Variants in TRAPPC9 observed in about 807,000 individuals in gnomAD.
TRAPPC9 encodes the protein trafficking protein particle complex subunit 9.
In TRAPPC9, 83 loss-of-function variants were observed where a neutral mutation model predicts 124.0. The ratio of observed to expected loss-of-function variants is 0.67; its 90% confidence interval spans 0.56 to 0.80. The LOEUF (loss-of-function observed/expected upper bound fraction) is 0.80. Ranked by LOEUF, TRAPPC9 falls within the 30% of genes least tolerant of loss-of-function variation. The pLI is 0.00. For synonymous variants in TRAPPC9, 638 were observed against 617.5 expected (o/e 1.03, Z -0.49); for missense variants, 1,302 against 1,508.3 (o/e 0.86, Z 2.27).
intron 10 of TRAPPC9, among the ~76,000 whole-genome samples, chr8:140,305,954 G>A (rs945660597): frequency 6.6e-6 from 1 of 152,234 alleles, no homozygotes; most frequent in Non-Finnish European, 1.5e-5. Flanking sequence ...ACAAAAGCCA[G>A]TGGCTTTTCC....
intron 10 of TRAPPC9, among the ~76,000 whole-genome samples, chr8:140,310,442 G>C (rs998777768): frequency 4.6e-5 from 7 of 152,098 alleles, no homozygotes; most frequent in Admixed American, 2.0e-4. Context: ...GTTTCTTTCC[G>C]GTCTTCAAAC....
At chr8:140,184,866 C>T (rs1442989529) in intron 17 of TRAPPC9, among the ~76,000 whole-genome samples, 1 of 152,214 alleles carries the variant, frequency 6.6e-6, no homozygotes, top group African/African-American at 2.4e-5. Flanking sequence ...CTGCGCCCAC[C>T]ACCCTCTCCT....
rs1405922108 is a variant in TRAPPC9, at chr8:140,090,545, C to T, written c.2557-66466G>A. ...AGAACCAGGTGACTCATTTCCAGGT[C>T]ACCCGGGAGACCAGGGGGTTGGAGC... On this transcript the variant is annotated intron_variant, in intron 17 of 22. Coordinates refer to ENST00000438773, the MANE Select transcript of TRAPPC9 (RefSeq NM_001160372.4). Among the ~76,000 whole-genome samples, 3 of 152,258 alleles carry T rather than the reference C, an allele frequency of 2.0e-5. No individual in the cohort carries two copies. In the South Asian group the frequency reaches 6.2e-4, roughly 31 times the overall value.
At chr8:140,458,336 G>C (rs571091006), upstream of TRAPPC9, 11 of 1,582,642 alleles carry the variant, frequency 7.0e-6, no homozygotes, top group Non-Finnish European at 8.6e-6. Context: ...CTCAGGGGTG[G>C]AGGCCCCGCG....
chr8:140,178,526 T>C (rs1253337333), intron 17 of TRAPPC9, among the ~76,000 whole-genome samples: 1 of 152,092 alleles, frequency 6.6e-6, no homozygotes, highest in African/African-American at 2.4e-5. Flanking sequence ...TATCATTGGA[T>C]TCCATTTGCT....
chr8:139,984,580 C>G lies in TRAPPC9; in HGVS notation c.2810+4146G>C, dbSNP rs1837122972. Among the ~76,000 whole-genome samples, 1 of 152,122 alleles carries G rather than the reference C, an allele frequency of 6.6e-6. No individual in the cohort carries two copies. Among genetic ancestry groups the G allele is most frequent in the Middle Eastern group, 3.2e-3 (1 of 316 alleles). ...ACACAAAGCCTGGAAGGACAGGGAC[C>G]AGGTCTGAGGTCTGTAAGGTGCTGT... is the stretch of plus-strand genomic sequence containing the variant. On this transcript the variant is annotated intron_variant, in intron 19 of 22. Transcript: ENST00000438773. This position sits in a 1 kb window ranked among gnomAD's most constrained non-coding sequence, Gnocchi z 4.3.
rs150624129 is a variant in TRAPPC9 at position 140,076,172 on chromosome 8, G to A, written c.2557-52093C>T. Among the ~76,000 whole-genome samples, 64 of 152,304 alleles carry A rather than the reference G, an allele frequency of 4.2e-4. No homozygotes were observed. The East Asian group carries it at 0.011, about 26-fold the overall frequency. On this transcript the variant is annotated intron_variant, in intron 17 of 22. Coordinates refer to ENST00000438773, the MANE Select transcript of TRAPPC9 (RefSeq NM_001160372.4). ...TATATATACATAGCAGCACTGTGACGAGTCTACATAAGGAAGAGAGTTTCT... is the reference window on the plus strand; with the variant it reads ...TATATATACATAGCAGCACTGTGACAAGTCTACATAAGGAAGAGAGTTTCT...
intron 9 of TRAPPC9, among the ~76,000 whole-genome samples, chr8:140,357,720 C>T (rs2067794789): frequency 6.6e-6 from 1 of 152,156 alleles, no homozygotes; most frequent in Admixed American, 6.5e-5. Flanking sequence ...ACGGGTGGCT[C>T]TGGGAGCTCT....
At chr8:139,909,809 C>G (rs1189986859) in intron 20 of TRAPPC9, among the ~76,000 whole-genome samples, 1 of 152,224 alleles carries the variant, frequency 6.6e-6, no homozygotes, top group African/African-American at 2.4e-5. Context: ...AGCTGTCAGT[C>G]TGTGAACCCC....
chr8:139,892,391 G>A (rs1336673250), intron 20 of TRAPPC9, among the ~76,000 whole-genome samples: 3 of 152,206 alleles, frequency 2.0e-5, no homozygotes, highest in Admixed American at 6.5e-5. Flanking sequence ...ACCTCCTGCA[G>A]ATGAACTGAT....
chr8:139,988,172 G>A (rs1045981618), intron 19 of TRAPPC9, among the ~76,000 whole-genome samples: 6 of 145,092 alleles, frequency 4.1e-5, no homozygotes, highest in African/African-American at 1.5e-4. Flanking sequence ...ACGGTGGTAC[G>A]ATCGATCTCG....
At chr8:139,917,135 A>G (rs2131314870) in intron 19 of TRAPPC9, among the ~76,000 whole-genome samples, 1 of 151,234 alleles carries the variant, frequency 6.6e-6, no homozygotes, top group Non-Finnish European at 1.5e-5. Flanking sequence ...CAATTATGGT[A>G]AAAAAGAGAA....
chr8:140,004,525 GA>G (rs1838623226), intron 18 of TRAPPC9, among the ~76,000 whole-genome samples: 2 of 152,098 alleles, frequency 1.3e-5, no homozygotes, highest in South Asian at 4.1e-4. Flanking sequence ...CTCCAATGGG[GA>G]TAACAACGCC....
chr8:139,821,067 G>C (rs1450043194), intron 21 of TRAPPC9, among the ~76,000 whole-genome samples: 4 of 152,176 alleles, frequency 2.6e-5, no homozygotes, highest in Non-Finnish European at 5.9e-5. Context: ...GCAGCACCAG[G>C]AAATGTATCT....
chr8:140,317,493 A>G (rs2131918822), intron 9 of TRAPPC9, among the ~76,000 whole-genome samples: 1 of 152,322 alleles, frequency 6.6e-6, no homozygotes, highest in South Asian at 2.1e-4. Flanking sequence ...CTTTAGTGGA[A>G]AGAAGTGTTT....
intron 16 of TRAPPC9, among the ~76,000 whole-genome samples, chr8:140,244,154 G>C (rs1299027851): frequency 6.6e-6 from 1 of 152,238 alleles, no homozygotes; most frequent in Non-Finnish European, 1.5e-5. Context: ...TGGTGCCAAA[G>C]AGGTTGGGGA....
rs1231277953 is a variant in TRAPPC9, at chr8:140,371,128, T to C, written c.1187A>G (p.Glu396Gly). The C allele has an allele frequency of 1.2e-6, 2 of 1,614,130 alleles. No individual in the cohort carries two copies. Among genetic ancestry groups the C allele is most frequent in the Non-Finnish European group, 8.5e-7 (1 of 1,180,014 alleles). ...AGACTTGCGATGGAAGCCGATCAGC[T>C]CATAGAGCTCGGAGAGGATGCTGTA... is the stretch of plus-strand genomic sequence containing the variant. ...QRYSILSELY[E>G]LIGFHRKSAF... is the part of the protein sequence containing the mutation. The change falls in exon 8 of 23, where the codon GAG (glutamate) becomes GGG (glycine). Residue 396 changes from glutamate (E) to glycine (G), a missense_variant. Glu to Gly is a moderately conservative substitution (Grantham distance 98). This residue lies in a region of TRAPPC9 where 657 missense variants were observed against 811.2 expected (regional missense o/e 0.81). Transcript: ENST00000438773.
chr8:139,802,707 T>C (rs1037871692), intron 21 of TRAPPC9, among the ~76,000 whole-genome samples: 4 of 152,226 alleles, frequency 2.6e-5, no homozygotes, highest in South Asian at 2.1e-4. Flanking sequence ...CTGACGATGA[T>C]GGGAATGCTT....
chr8:140,173,160 A>C (rs563804124), intron 17 of TRAPPC9, among the ~76,000 whole-genome samples: 1 of 152,342 alleles, frequency 6.6e-6, no homozygotes, highest in African/African-American at 2.4e-5. Context: ...ACAGCTTTCA[A>C]TTAATAGTCT....
Sources: gnomAD v4.1 joint callset for allele counts (sites outside exome capture counted in the v4.1 genomes callset) on GRCh38, gnomAD v4.1.1 for gene constraint, gnomAD v4.1.1 regional missense constraint, Gnocchi (gnomAD v3.1) non-coding constraint, MANE v1.5 for transcripts, NCBI Gene and HGNC (gene_info 2026-07-23, HGNC 2026-07-21) for gene names.